The following ST8SIA4 variants were observed in gnomAD, a reference collection of about 807,000 sequenced individuals.
ST8SIA4 encodes the protein CMP-N-acetylneuraminate-poly-alpha-2,8-sialyltransferase.
ST8SIA4 carries 15 observed loss-of-function variants against 33.9 expected under a neutral mutation model. The ratio of observed to expected loss-of-function variants is 0.44; its 90% confidence interval spans 0.30 to 0.68. The LOEUF is 0.68. Ranked by LOEUF, ST8SIA4 falls within the 30% of genes least tolerant of loss-of-function variation. ST8SIA4 has a pLI of 0.10. For synonymous variants in ST8SIA4, 171 were observed against 151.2 expected, an observed-to-expected ratio of 1.13 and a Z score of -0.96; for missense variants, 321 against 428.0, an observed-to-expected ratio of 0.75 and a Z score of 2.21.
intron 1 of ST8SIA4, among the ~76,000 whole-genome samples, chr5:100,898,775 A>T (rs906324677): frequency 2.0e-5 from 3 of 152,202 alleles, no homozygotes; most frequent in African/African-American, 7.2e-5. Flanking sequence ...CTTGTCTCTC[A>T]TTCCAGATCA....
rs2112472543 is a variant in ST8SIA4 at position 100,886,264 on chromosome 5, A to G, written c.503+79T>C. 1.9e-6 allele frequency: 3 copies of G among 1,540,902 alleles called. No homozygotes were observed. In the South Asian group the frequency reaches 3.8e-5, roughly 20 times the overall value. ...TGTTTGAGGTTTTAGTAATACTTTA[A>G]AATTTTCTAACAGTTTTCCACCCCC... is the stretch of plus-strand genomic sequence containing the variant. On this transcript the variant is annotated intron_variant, in intron 3 of 4. Transcript: ENST00000231461.
At chr5:100,860,333 G>T (rs1290193312) in intron 3 of ST8SIA4, among the ~76,000 whole-genome samples, 2 of 152,062 alleles carry the variant, frequency 1.3e-5, no homozygotes, top group Non-Finnish European at 2.9e-5. Context: ...AAACACCTTT[G>T]TCAATCCACT....
intron 4 of ST8SIA4, among the ~76,000 whole-genome samples, chr5:100,824,921 A>G (rs557739983): frequency 5.6e-4 from 84 of 150,446 alleles, no homozygotes; most frequent in African/African-American, 2.0e-3. Flanking sequence ...AATAGCCAGC[A>G]GTAGTGGCAT....
At chr5:100,892,887 G>A (rs552131058) in intron 2 of ST8SIA4, among the ~76,000 whole-genome samples, 49 of 151,966 alleles carry the variant, frequency 3.2e-4, no homozygotes, top group Non-Finnish European at 4.7e-4. Context: ...CTTTATGCAT[G>A]CAGGGCTTAA....
At chr5:100,868,507 T>C (rs987711836) in intron 3 of ST8SIA4, among the ~76,000 whole-genome samples, 7 of 152,036 alleles carry the variant, frequency 4.6e-5, no homozygotes, top group Admixed American at 2.0e-4. Context: ...TCAGAGATGG[T>C]GTTTTGTTGT....
chr5:100,848,619 T>C (rs1751618821), intron 4 of ST8SIA4, among the ~76,000 whole-genome samples: 1 of 150,168 alleles, frequency 6.7e-6, no homozygotes, highest in Non-Finnish European at 1.5e-5. Context: ...GAGTATAGAC[T>C]ATATAAAGTC....
At chr5:100,847,083 GC>G (rs1258742169) in intron 4 of ST8SIA4, among the ~76,000 whole-genome samples, 1 of 151,972 alleles carries the variant, frequency 6.6e-6, no homozygotes, top group African/African-American at 2.4e-5. Flanking sequence ...CTAATACGCG[GC>G]ATCTAGCTAC....
intron 3 of ST8SIA4, among the ~76,000 whole-genome samples, chr5:100,885,104 C>T (rs1224595103): frequency 6.7e-6 from 1 of 150,164 alleles, no homozygotes; most frequent in Non-Finnish European, 1.5e-5. Context: ...TAGACTTCGA[C>T]ATTTGAAGCT....
intron 4 of ST8SIA4, among the ~76,000 whole-genome samples, chr5:100,817,544 C>G (rs1320656696): frequency 6.6e-6 from 1 of 152,174 alleles, no homozygotes; most frequent in African/African-American, 2.4e-5. Flanking sequence ...AGAATATCTG[C>G]TGTTTTCTTC....
At position 100,903,074 on chromosome 5, in the gene ST8SIA4, A is replaced by G. The variant is rs756603650; in HGVS notation, c.-119T>C. 9.7e-5 allele frequency: 69 copies of G among 709,564 alleles called. No homozygotes were observed. The highest frequency in any genetic ancestry group is 1.6e-4 in the Non-Finnish European group (67 of 414,302). The allele number at this position is 709,564 out of a possible 1,614,324, so 44.0% of individuals were successfully genotyped here. A position where few individuals can be genotyped will look rare whatever the true frequency, so the allele number is the denominator to read the frequency against. On this transcript the variant is annotated 5_prime_UTR_variant, in exon 1 of 5. Coordinates refer to ENST00000231461, the MANE Select transcript of ST8SIA4 (RefSeq NM_005668.6). ...TCTGTAAAATGCGAGGAGAGCTTGG[A>G]GCCGGGATCCCGGGATCAGATCACT...
At chr5:100,898,813 A>G (rs185162080) in intron 1 of ST8SIA4, among the ~76,000 whole-genome samples, 1 of 152,342 alleles carries the variant, frequency 6.6e-6, no homozygotes, top group African/African-American at 2.4e-5. Context: ...GCTGCACTGA[A>G]AACATTTATT....
At chr5:100,892,827 G>C (rs1036451980) in intron 2 of ST8SIA4, among the ~76,000 whole-genome samples, 1 of 151,860 alleles carries the variant, frequency 6.6e-6, no homozygotes, top group African/African-American at 2.4e-5. Flanking sequence ...TCACACACCC[G>C]GGCCTGTCGG....
intron 3 of ST8SIA4, among the ~76,000 whole-genome samples, chr5:100,860,922 A>T (rs1360167603): frequency 6.6e-6 from 1 of 152,196 alleles, no homozygotes; most frequent in African/African-American, 2.4e-5. Flanking sequence ...AATTTTGAGC[A>T]GTTATTAAAC....
chr5:100,856,061 T>C (rs202068204), intron 4 of ST8SIA4, 42 bp downstream of exon 4: 273 of 1,580,234 alleles, frequency 1.7e-4, no homozygotes, highest in Non-Finnish European at 2.0e-4. Flanking sequence ...TTATATGTGT[T>C]CCACTGTGCC....
chr5:100,852,742 A>G (rs1751731668), intron 4 of ST8SIA4, among the ~76,000 whole-genome samples: 2 of 152,152 alleles, frequency 1.3e-5, no homozygotes, highest in Admixed American at 6.5e-5. Flanking sequence ...TTTGTGACTG[A>G]TGGTTTCATC....
chr5:100,839,585 C>A (rs937730281), intron 4 of ST8SIA4, among the ~76,000 whole-genome samples: 5 of 151,904 alleles, frequency 3.3e-5, no homozygotes, highest in Admixed American at 6.6e-5. Context: ...AAATAATCTT[C>A]TCTTTATCTC....
chr5:100,824,557 G>T (rs1447128307), intron 4 of ST8SIA4, among the ~76,000 whole-genome samples: 1 of 151,860 alleles, frequency 6.6e-6, no homozygotes, highest in Non-Finnish European at 1.5e-5. Flanking sequence ...AAAAAAAAAG[G>T]CTTTTTATTT....
chr5:100,889,496 A>G (rs556238262), intron 2 of ST8SIA4, among the ~76,000 whole-genome samples: 2 of 152,116 alleles, frequency 1.3e-5, no homozygotes, highest in Non-Finnish European at 2.9e-5. Flanking sequence ...TGGAAATCCA[A>G]AAGGGAAAAT....
intron 4 of ST8SIA4, among the ~76,000 whole-genome samples, chr5:100,826,608 G>A (rs576353140): frequency 1.2e-4 from 19 of 152,196 alleles, no homozygotes; most frequent in African/African-American, 4.3e-4. Context: ...AAATTTATAC[G>A]TGAACAAACT....
Sources: allele counts gnomAD v4.1 joint callset (sites outside exome capture counted in the v4.1 genomes callset), GRCh38; gene constraint gnomAD v4.1.1; transcripts MANE v1.5; gene names NCBI Gene and HGNC (gene_info 2026-07-23, HGNC 2026-07-21).